Variants in CDK17 observed in about 807,000 individuals in gnomAD.
CDK17 encodes the protein cyclin-dependent kinase 17.
Under a neutral mutation model 77.6 loss-of-function variants are expected in CDK17, and 24 were observed. The ratio of observed to expected loss-of-function variants is 0.31; its 90% confidence interval spans 0.22 to 0.44. The LOEUF is 0.44. CDK17 is among the 20% of genes least tolerant of loss of function. The pLI, the probability that CDK17 is intolerant of heterozygous loss-of-function variation, is 1.00. For synonymous variants in CDK17, 203 were observed against 210.4 expected (o/e 0.96, Z 0.30); for missense variants, 429 against 622.5 (o/e 0.69, Z 3.31).
chr12:96,361,552 T>G (rs780926896), intron 1 of CDK17, among the ~76,000 whole-genome samples: 8 of 152,214 alleles, frequency 5.3e-5, no homozygotes, highest in Non-Finnish European at 1.2e-4. Flanking sequence ...TAAGGTAATA[T>G]TTTGCAAATA....
chr12:96,397,355 C>T (rs1954189060), intron 1 of CDK17, among the ~76,000 whole-genome samples: 1 of 152,008 alleles, frequency 6.6e-6, no homozygotes, highest in Admixed American at 6.6e-5. Flanking sequence ...CTGCAATACA[C>T]ATGGGGATCA....
intron 4 of CDK17, among the ~76,000 whole-genome samples, chr12:96,312,575 AAAATAT>A (rs1394025743): frequency 6.6e-6 from 1 of 152,224 alleles, no homozygotes; most frequent in Non-Finnish European, 1.5e-5. Context: ...TTTTATAATG[AAAATAT>A]AATCAACCAA....
intron 2 of CDK17, among the ~76,000 whole-genome samples, chr12:96,332,772 C>T (rs1361043266): frequency 2.0e-5 from 3 of 152,144 alleles, no homozygotes; most frequent in Non-Finnish European, 4.4e-5. Flanking sequence ...CCCTTATTTA[C>T]TACCTATTAA....
intron 1 of CDK17, among the ~76,000 whole-genome samples, chr12:96,338,073 A>G (rs1437995849): frequency 6.6e-6 from 1 of 152,136 alleles, no homozygotes; most frequent in Non-Finnish European, 1.5e-5. Context: ...TATCAGTTTG[A>G]TTTCTTAGGT....
intron 5 of CDK17, among the ~76,000 whole-genome samples, chr12:96,309,070 T>C (rs1952614264): frequency 6.6e-6 from 1 of 152,334 alleles, no homozygotes; most frequent in South Asian, 2.1e-4. Flanking sequence ...TTTGATGTCT[T>C]CTCATTACAT....
chr12:96,297,761 T>C (rs1952429688), intron 7 of CDK17, 40 bp from the exon 8 acceptor site: 1 of 1,117,634 alleles, frequency 8.9e-7, no homozygotes, highest in Non-Finnish European at 1.3e-6. Context: ...TCTGTGGCAG[T>C]CTTTATAAAA....
At chr12:96,397,779 A>G (rs1471844384) in intron 1 of CDK17, among the ~76,000 whole-genome samples, 2 of 152,226 alleles carry the variant, frequency 1.3e-5, no homozygotes, top group African/African-American at 4.8e-5. Flanking sequence ...GAGCCTCAAT[A>G]TGGCCTTTCA....
intron 10 of CDK17, among the ~76,000 whole-genome samples, chr12:96,294,605 A>AG (rs1952376875): frequency 6.6e-6 from 1 of 151,406 alleles, no homozygotes; most frequent in Non-Finnish European, 1.5e-5. Context: ...AAAAAAAAAA[A>AG]AAAAAAGATA....
At position 96,278,966 on chromosome 12, in the gene CDK17, G is replaced by A. The variant is rs1013750107; in HGVS notation, c.*1276C>T. ...CTGAATGTTTTACAGTGAATTTCAG[G>A]AAAAGAAATTAAGTTATGACTATTT... On this transcript the variant is annotated 3_prime_UTR_variant, in exon 17 of 17. Transcript: ENST00000261211. 2.0e-5 allele frequency: 3 copies of A among 152,400 alleles called. No homozygotes were observed. Among genetic ancestry groups the A allele is most frequent in the Non-Finnish European group, 2.9e-5 (2 of 67,940 alleles). The allele number at this position is 152,400 out of a possible 1,614,324, so 9.4% of individuals were successfully genotyped here.
At chr12:96,358,738 T>C (rs1031242137) in intron 1 of CDK17, among the ~76,000 whole-genome samples, 16 of 152,016 alleles carry the variant, frequency 1.1e-4, no homozygotes, top group Non-Finnish European at 1.6e-4. Context: ...GGCAGGAGAA[T>C]TGCTTGAGCC....
intron 1 of CDK17, among the ~76,000 whole-genome samples, chr12:96,380,971 G>C (rs1427991231): frequency 6.6e-6 from 1 of 151,652 alleles, no homozygotes; most frequent in Non-Finnish European, 1.5e-5. Flanking sequence ...CTCTCTATTT[G>C]TAAAGCTAAT....
chr12:96,346,818 A>G (rs1953218481), intron 1 of CDK17, among the ~76,000 whole-genome samples: 1 of 151,072 alleles, frequency 6.6e-6, no homozygotes, highest in African/African-American at 2.4e-5. Flanking sequence ...AGGAGGCTGA[A>G]GCAGAAGAAT....
intron 13 of CDK17, among the ~76,000 whole-genome samples, chr12:96,285,372 G>C (rs1952233086): frequency 6.6e-6 from 1 of 152,126 alleles, no homozygotes; most frequent in Admixed American, 6.5e-5. Context: ...GTTATGTTGT[G>C]AGCAATGTGA....
intron 1 of CDK17, among the ~76,000 whole-genome samples, chr12:96,388,235 A>G (rs950635904): frequency 2.6e-5 from 4 of 152,256 alleles, no homozygotes; most frequent in Admixed American, 1.3e-4. Flanking sequence ...GTGGAACAGA[A>G]CAGGGAAAAT....
chr12:96,280,011 C>G lies in CDK17; in HGVS notation c.*231G>C. Reference sequence around the variant, plus strand: ...TAGTTACATCAATAGCTGTAACCTACTGGCTCTAATGGCAGAGAAGACCTT... The same window carrying G: ...TAGTTACATCAATAGCTGTAACCTAGTGGCTCTAATGGCAGAGAAGACCTT... On this transcript the variant is annotated 3_prime_UTR_variant, in exon 17 of 17. Transcript: ENST00000261211. 2.3e-6 allele frequency: 1 copy of G among 434,842 alleles called. No homozygotes were observed. The highest frequency in any genetic ancestry group is 4.1e-6 in the Non-Finnish European group (1 of 246,768). 26.9% of individuals were successfully genotyped at this position (434,842 alleles called of 1,614,324 possible).
intron 1 of CDK17, among the ~76,000 whole-genome samples, chr12:96,357,927 A>G (rs2137183061): frequency 6.6e-6 from 1 of 152,308 alleles, no homozygotes; most frequent in Admixed American, 6.5e-5. Flanking sequence ...CTAAATGTCT[A>G]TTACAGACCA....
chr12:96,399,029 G>C (rs564618961), intron 1 of CDK17: 2 of 152,374 alleles, frequency 1.3e-5, no homozygotes, highest in South Asian at 4.1e-4. Flanking sequence ...TTCAGGGTCA[G>C]AACAAGCTCA....
intron 5 of CDK17, among the ~76,000 whole-genome samples, chr12:96,301,241 CAAAAAAAAAA>C (rs376295045): frequency 1.2e-5 from 1 of 85,578 alleles, no homozygotes; most frequent in Non-Finnish European, 2.3e-5. Flanking sequence ...AACACTCGGC[CAAAAAAAAAA>C]AAAAAAAACA....
intron 6 of CDK17, 118 bp downstream of exon 6, chr12:96,300,186 T>C (rs1244722381): frequency 1.4e-6 from 1 of 708,936 alleles, no homozygotes; most frequent in Admixed American, 2.6e-5. Context: ...AACAAGTATA[T>C]AATCTTGTAG....
Sources: gnomAD v4.1 joint callset for allele counts (sites outside exome capture counted in the v4.1 genomes callset) on GRCh38, gnomAD v4.1.1 for gene constraint, MANE v1.5 for transcripts, NCBI Gene and HGNC (gene_info 2026-07-23, HGNC 2026-07-21) for gene names.